The following PHC3 variants were observed in gnomAD, a reference collection of about 807,000 sequenced individuals.
PHC3 encodes polyhomeotic-like protein 3.
PHC3 carries 13 observed loss-of-function variants against 107.4 expected under a neutral mutation model. That is an observed-to-expected ratio of 0.12 (90% confidence interval 0.08 to 0.19). The LOEUF (loss-of-function observed/expected upper bound fraction) is 0.19. PHC3 is among the 10% of genes least tolerant of loss of function. The probability of loss-of-function intolerance (pLI) is 1.00; values close to 1 mark genes in which losing one functional copy is unlikely to be tolerated. For synonymous variants in PHC3, 456 were observed against 427.4 expected, an observed-to-expected ratio of 1.07 and a Z score of -0.83; for missense variants, 992 against 1,210.9, an observed-to-expected ratio of 0.82 and a Z score of 2.68.
At position 170,113,447 on chromosome 3, in the gene PHC3, A is replaced by G. The variant is rs1407292236; in HGVS notation, c.2266T>C (p.Ser756Pro). 1 of 1,613,194 alleles carries G rather than the reference A, an allele frequency of 6.2e-7. No individual in the cohort carries two copies. Among genetic ancestry groups the G allele is most frequent in the East Asian group, 2.2e-5 (1 of 44,806 alleles). The change falls in exon 11 of 15, where the codon TCA (serine) becomes CCA (proline). Residue 756 changes from serine to proline, a missense_variant. Ser to Pro is a moderately conservative substitution (Grantham distance 74, BLOSUM62 -1). Coordinates refer to ENST00000495893, the MANE Select transcript of PHC3 (RefSeq NM_024947.4). Reference sequence around the variant, plus strand: ...TGTAGCTCTGGCTGAACACACACTGAATTTATCACCTGATTATCCAAAAGA... The same window carrying G: ...TGTAGCTCTGGCTGAACACACACTGGATTTATCACCTGATTATCCAAAAGA... Reference protein sequence around the residue: ...RPLLDNQVINSVCVQPELQNN... With the variant: ...RPLLDNQVINPVCVQPELQNN...
intron 4 of PHC3, among the ~76,000 whole-genome samples, chr3:170,168,883 T>C (rs1424449319): frequency 6.6e-6 from 1 of 151,656 alleles, no homozygotes; most frequent in Non-Finnish European, 1.5e-5. Context: ...TTAACAAGTC[T>C]ACTCTCCAAA....
intron 4 of PHC3, among the ~76,000 whole-genome samples, chr3:170,165,697 T>C (rs1198119960): frequency 7.5e-6 from 1 of 133,758 alleles, no homozygotes; most frequent in Non-Finnish European, 1.5e-5. Flanking sequence ...GAAGTTGCAG[T>C]GAGCCAAGAT....
chr3:170,121,314 A>G (rs1185715995), intron 9 of PHC3, among the ~76,000 whole-genome samples: 2 of 152,122 alleles, frequency 1.3e-5, no homozygotes, highest in Non-Finnish European at 2.9e-5. Context: ...TCTCTTAAAA[A>G]AAAGAAAGAA....
At chr3:170,130,037 A>G (rs1488556461) in intron 7 of PHC3, among the ~76,000 whole-genome samples, 2 of 152,328 alleles carry the variant, frequency 1.3e-5, no homozygotes, top group South Asian at 4.1e-4. Flanking sequence ...AAAACTAGAA[A>G]ATATCATAAA....
chr3:170,160,883 G>A (rs1577217813), intron 4 of PHC3, among the ~76,000 whole-genome samples: 2 of 152,160 alleles, frequency 1.3e-5, no homozygotes, highest in East Asian at 3.9e-4. Flanking sequence ...CTACAGCCTG[G>A]GTGACAGAGG....
At chr3:170,144,404 G>GT in intron 6 of PHC3, among the ~76,000 whole-genome samples, 1 of 151,408 alleles carries the variant, frequency 6.6e-6, no homozygotes, top group Admixed American at 6.6e-5. Flanking sequence ...AGGACATTTG[G>GT]TTGTTTCCAC....
At chr3:170,156,897 GACT>G (rs1726995382) in intron 4 of PHC3, among the ~76,000 whole-genome samples, 1 of 152,140 alleles carries the variant, frequency 6.6e-6, no homozygotes, top group Non-Finnish European at 1.5e-5. Flanking sequence ...ACCCTGCTGA[GACT>G]ACGTGTTTTT....
At chr3:170,137,716 T>A (rs572183474) in intron 6 of PHC3, among the ~76,000 whole-genome samples, 1 of 152,154 alleles carries the variant, frequency 6.6e-6, no homozygotes, top group Non-Finnish European at 1.5e-5. Flanking sequence ...CTGGCCAACA[T>A]GGTGAAACTC....
intron 8 of PHC3, among the ~76,000 whole-genome samples, chr3:170,126,550 T>TC (rs1721327664): frequency 6.9e-6 from 1 of 144,334 alleles, no homozygotes; most frequent in African/African-American, 2.6e-5. Context: ...TTTTCCTTTT[T>TC]CTTTTTTTTG....
rs959949928 is a variant in PHC3 at position 170,097,980 on chromosome 3, G to A, written c.2834-596C>T. Among the ~76,000 whole-genome samples, 1 of 152,130 alleles carries A rather than the reference G, an allele frequency of 6.6e-6. No individual in the cohort carries two copies. The highest frequency in any genetic ancestry group is 1.5e-5 in the Non-Finnish European group (1 of 68,020). On this transcript the variant is annotated intron_variant, in intron 14 of 14. Coordinates refer to ENST00000495893, the MANE Select transcript of PHC3 (RefSeq NM_024947.4). This position sits in a 1 kb window ranked among gnomAD's most constrained non-coding sequence, Gnocchi z 4.1. ...TGTATTACCAATCTATTGCAATGCT[G>A]CTGAAATGTATTACGCTGCTTGACT...
intron 4 of PHC3, among the ~76,000 whole-genome samples, chr3:170,168,940 AGTGTTTC>A (rs1465728177): frequency 2.0e-5 from 3 of 151,752 alleles, no homozygotes; most frequent in Admixed American, 2.0e-4. Flanking sequence ...TGCGACCAGA[AGTGTTTC>A]GGATTTTTTT....
Position 170,094,270 on chromosome 3 carries a change from T to TA in PHC3, c.*2959dup, listed in dbSNP as rs1305067331. ...AGGCTTGATGAATATTAATGTCATA[T>TA]AAAAAATAATTTTTACAAATCAGCT... On this transcript the variant is annotated 3_prime_UTR_variant, in exon 15 of 15. Transcript: ENST00000495893. 6.6e-6 allele frequency: 1 copy of TA among 152,214 alleles called. No homozygotes were observed. Among genetic ancestry groups the TA allele is most frequent in the East Asian group, 1.9e-4 (1 of 5,202 alleles). The allele number at this position is 152,214 out of a possible 1,614,324, so 9.4% of individuals were successfully genotyped here. A position where few individuals can be genotyped will look rare whatever the true frequency, so the allele number is the denominator to read the frequency against.
chr3:170,111,178 T>C (rs1433489706), intron 11 of PHC3, among the ~76,000 whole-genome samples: 3 of 152,014 alleles, frequency 2.0e-5, no homozygotes, highest in Non-Finnish European at 4.4e-5. Flanking sequence ...ATGTGTGATA[T>C]GGCATTATAA....
chr3:170,143,325 GA>G (rs535950609), intron 6 of PHC3, among the ~76,000 whole-genome samples: 64 of 151,998 alleles, frequency 4.2e-4, no homozygotes, highest in South Asian at 3.9e-3. Context: ...AAATACGGGG[GA>G]AAAAAAGTCC....
Position 170,106,814 on chromosome 3 carries a change from T to G in PHC3, c.2468+18A>C. ...GCTATTTATCTGTCCTTTGGGAAAT[T>G]CAAGAGCACAGAAATACCTTTTGGC... On this transcript the variant is annotated intron_variant, in intron 12 of 14. Coordinates refer to ENST00000495893, the MANE Select transcript of PHC3 (RefSeq NM_024947.4). 1.3e-6 allele frequency: 2 copies of G among 1,583,750 alleles called. No homozygotes were observed. Among genetic ancestry groups the G allele is most frequent in the Non-Finnish European group, 1.7e-6 (2 of 1,164,004 alleles).
intron 9 of PHC3, among the ~76,000 whole-genome samples, chr3:170,120,504 C>T (rs1197026616): frequency 2.0e-5 from 3 of 151,380 alleles, no homozygotes; most frequent in Admixed American, 6.6e-5. Context: ...ACCCAGGAGG[C>T]GAAAGTTGCA....
rs1019472405 is a variant in PHC3 at position 170,096,690 on chromosome 3, G to A, written c.*540C>T. ...TTCCAGATCAGTATTGTTCATACTA[G>A]AACACAATTCCTTTTTTATAGATAA... On this transcript the variant is annotated 3_prime_UTR_variant, in exon 15 of 15. Transcript: ENST00000495893. 6.6e-6 allele frequency: 1 copy of A among 152,170 alleles called. No homozygotes were observed. The highest frequency in any genetic ancestry group is 2.4e-5 in the African/African-American group (1 of 41,428). The allele number at this position is 152,170 out of a possible 1,614,324, so 9.4% of individuals were successfully genotyped here.
chr3:170,172,799 T>A, intron 2 of PHC3, 87 bp from the exon 3 acceptor site: 1 of 1,390,348 alleles, frequency 7.2e-7, no homozygotes, highest in Non-Finnish European at 9.8e-7. Flanking sequence ...AGTGGCAGTT[T>A]AAAATTTCAC....
At chr3:170,175,352 C>T (rs188930669) in intron 2 of PHC3, among the ~76,000 whole-genome samples, 5 of 152,138 alleles carry the variant, frequency 3.3e-5, no homozygotes, top group Admixed American at 2.6e-4. Context: ...GTATATTAAG[C>T]GATCACATTA....
Sources: gnomAD v4.1 joint callset for allele counts (sites outside exome capture counted in the v4.1 genomes callset) on GRCh38, gnomAD v4.1.1 for gene constraint, Gnocchi (gnomAD v3.1) non-coding constraint, MANE v1.5 for transcripts, NCBI Gene and HGNC (gene_info 2026-07-23, HGNC 2026-07-21) for gene names.